The following ZNF341 variants were observed in gnomAD, a reference collection of about 807,000 sequenced individuals.
The protein encoded by ZNF341 is zinc finger protein 341.
A neutral mutation model predicts 87.7 loss-of-function variants in ZNF341; 52 were observed. The ratio of observed to expected loss-of-function variants is 0.59; its 90% CI spans 0.47 to 0.75. The LOEUF is 0.75. Ranked by LOEUF, ZNF341 falls within the 30% of genes least tolerant of loss-of-function variation. ZNF341 has a pLI of 0.00. For missense variants in ZNF341, 977 were observed against 1,145.9 expected (o/e 0.85, Z 2.13); for synonymous variants, 459 against 472.7 (o/e 0.97, Z 0.38).
chr20:33,789,643 A>G, intron 14 of ZNF341, 55 bp downstream of exon 14: 1 of 1,578,082 alleles, frequency 6.3e-7, no homozygotes, highest in Non-Finnish European at 8.7e-7. Flanking sequence ...GTTCACTGGG[A>G]TAGACCCGCC....
chr20:33,761,966 G>A lies in ZNF341; in HGVS notation c.1133G>A (p.Gly378Glu), dbSNP rs1330354656. ...CAGACCCACAAGGTGTGGCCTCCAG[G>A]ACACAGTGGTGGCACCGTGTCTCGA... ...HMQTHKVWPP[G>E]HSGGTVSRNS... is the part of the protein sequence containing the mutation. The change falls in exon 8 of 15, where the codon GGA (glycine) becomes GAA (glutamate). Residue 378 changes from glycine to glutamate, a missense_variant. This residue lies in a region of ZNF341 where 515 missense variants were observed against 598.2 expected (regional missense o/e 0.86). Transcript: ENST00000375200. 6.2e-7 allele frequency: 1 copy of A among 1,608,992 alleles called. No homozygotes were observed. The highest frequency in any genetic ancestry group is 8.5e-7 in the Non-Finnish European group (1 of 1,176,414).
chr20:33,790,547 G>A (rs1211667012), intron 14 of ZNF341, among the ~76,000 whole-genome samples: 2 of 152,186 alleles, frequency 1.3e-5, no homozygotes, highest in Admixed American at 1.3e-4. Context: ...CCTTGTTTGA[G>A]AAGGTTTACA....
Position 33,732,901 on chromosome 20 carries a change from A to T in ZNF341, c.31+849A>T, listed in dbSNP as rs1436714610. Among the ~76,000 whole-genome samples, 1 of 152,164 alleles carries T rather than the reference A, an allele frequency of 6.6e-6. No individual in the cohort carries two copies. Among genetic ancestry groups the T allele is most frequent in the Non-Finnish European group, 1.5e-5 (1 of 68,028 alleles). ...CTCGGGGCCATGGCGCAGAATAGAT[A>T]TTGTGGGAAATACAGACCAAGAATG... On this transcript the variant is annotated intron_variant, in intron 1 of 14. Transcript: ENST00000375200. This position sits in a 1 kb window ranked among gnomAD's most constrained non-coding sequence, Gnocchi z 4.5.
chr20:33,745,089 G>A lies in ZNF341; in HGVS notation c.143-14G>A, dbSNP rs372041153. On this transcript the variant is annotated splice_polypyrimidine_tract_variant and intron_variant, in intron 2 of 14. Transcript: ENST00000375200. ...CTGTGGCCTCTTCCCACTACTCTGC[G>A]GGTATGACCCCAGATGACGAGGATG... 3.4e-5 allele frequency: 55 copies of A among 1,602,972 alleles called. No individual in the cohort carries two copies. The highest frequency in any genetic ancestry group is 2.0e-4 in the African/African-American group (15 of 74,662).
chr20:33,751,878 G>C (rs2019063671), intron 4 of ZNF341, among the ~76,000 whole-genome samples: 1 of 152,088 alleles, frequency 6.6e-6, no homozygotes, highest in African/African-American at 2.4e-5. Context: ...CCAAGGCCAG[G>C]GTTTCTGTTA....
Position 33,761,996 on chromosome 20 carries a change from C to T in ZNF341, c.1163C>T (p.Ser388Phe). ...AGTGGTGGCACCGTGTCTCGAAACT[C>T]TGTGACCGTACAGGTCATGGCCCTG... ...GHSGGTVSRNSVTVQVMALNP... is the reference protein window; with the variant it reads ...GHSGGTVSRNFVTVQVMALNP... Residue 388 changes from serine to phenylalanine, a missense_variant, in exon 8 of 15, where the codon TCT (serine) becomes TTT (phenylalanine). Around this residue, in one of 3 missense-constraint regions of ZNF341, gnomAD observed 515 missense variants for 598.2 expected, o/e 0.86. Coordinates refer to ENST00000375200, the MANE Select transcript of ZNF341 (RefSeq NM_001282933.2). 1 of 1,606,410 alleles carries T rather than the reference C, an allele frequency of 6.2e-7. No homozygotes were observed. Among genetic ancestry groups the T allele is most frequent in the Non-Finnish European group, 8.5e-7 (1 of 1,174,466 alleles).
At position 33,745,108 on chromosome 20, in the gene ZNF341, G is replaced by A. The variant is rs778164498; in HGVS notation, c.148G>A (p.Glu50Lys). 5.0e-6 allele frequency: 8 copies of A among 1,609,230 alleles called. No individual in the cohort carries two copies. Among genetic ancestry groups the A allele is most frequent in the Admixed American group, 1.7e-5 (1 of 59,918 alleles). Residue 50 changes from glutamate to lysine, a missense_variant, in exon 3 of 15, where the codon GAG (glutamate) becomes AAG (lysine). By Grantham distance (56) the Glu-to-Lys change is moderately conservative. Coordinates refer to ENST00000375200, the MANE Select transcript of ZNF341 (RefSeq NM_001282933.2). Reference sequence around the variant, plus strand: ...CTCTGCGGGTATGACCCCAGATGACGAGGATGTATTTCTCTGCGGGAAGTG... The same window carrying A: ...CTCTGCGGGTATGACCCCAGATGACAAGGATGTATTTCTCTGCGGGAAGTG... ...APPAIQPLDDEDVFLCGKCKK... is the reference protein window; with the variant it reads ...APPAIQPLDDKDVFLCGKCKK...
chr20:33,785,821 T>C (rs1161712605), intron 12 of ZNF341, among the ~76,000 whole-genome samples: 3 of 152,174 alleles, frequency 2.0e-5, no homozygotes, highest in African/African-American at 7.2e-5. Context: ...CTATAACTTA[T>C]GTGCCTTTTT....
At chr20:33,770,019 G>A (rs2019492323) in intron 9 of ZNF341, 65 bp from the exon 10 acceptor site, 7 of 1,161,764 alleles carry the variant, frequency 6.0e-6, no homozygotes, top group Middle Eastern at 5.3e-4. Context: ...CAATGCCACA[G>A]GCCAGGGGCT....
chr20:33,769,035 C>T (rs950973915), intron 9 of ZNF341, among the ~76,000 whole-genome samples: 4 of 152,140 alleles, frequency 2.6e-5, no homozygotes, highest in South Asian at 2.1e-4. Context: ...AAATTACATA[C>T]AAATCTGGTT....
At position 33,757,320 on chromosome 20, in the gene ZNF341, A is replaced by C; in HGVS notation, c.914A>C (p.Lys305Thr). 6.4e-7 allele frequency: 1 copy of C among 1,574,782 alleles called. No homozygotes were observed. Among genetic ancestry groups the C allele is most frequent in the Non-Finnish European group, 8.6e-7 (1 of 1,161,304 alleles). Residue 305 changes from lysine to threonine, a missense_variant, in exon 6 of 15, where the codon AAA (lysine) becomes ACA (threonine). Lys to Thr is a moderately conservative substitution (Grantham distance 78, BLOSUM62 -1). Around this residue, in one of 3 missense-constraint regions of ZNF341, gnomAD observed 515 missense variants for 598.2 expected, o/e 0.86. Transcript: ENST00000375200. ...GCAACGCTGAAGACCCGACGAGCTA[A>C]AGGTGCCAGGGGACTCCCGGAAGGT... Reference protein sequence around the residue: ...SPATLKTRRAKGARGLPEAAG... With the variant: ...SPATLKTRRATGARGLPEAAG...
intron 8 of ZNF341, among the ~76,000 whole-genome samples, chr20:33,764,543 G>GTA (rs1171402724): frequency 0.017 from 1,177 of 69,304 alleles, 45 homozygotes; most frequent in African/African-American, 0.024. Context: ...GTGTGTATGT[G>GTA]TATATATATA....
At chr20:33,758,481 T>C (rs1417968880) in intron 6 of ZNF341, among the ~76,000 whole-genome samples, 1 of 152,166 alleles carries the variant, frequency 6.6e-6, no homozygotes, top group Admixed American at 6.6e-5. Flanking sequence ...GATTTGATTG[T>C]AGGGCAGAGG....
At position 33,770,196 on chromosome 20, in the gene ZNF341, G is replaced by T. The variant is rs1251289503; in HGVS notation, c.1526G>T (p.Gly509Val). ...EELSYRCHLC[G>V]KDFPSLYDLG... ...CTGAGCTACCGCTGCCACCTCTGCG[G>T]CAAGGACTTCCCCTCGCTGTACGAC... Residue 509 changes from glycine to valine, a missense_variant, in exon 10 of 15, where the codon GGC (glycine) becomes GTC (valine). Coordinates refer to ENST00000375200, the MANE Select transcript of ZNF341 (RefSeq NM_001282933.2). The T allele has an allele frequency of 5.0e-6, 8 of 1,614,168 alleles. No homozygotes were observed. The highest frequency in any genetic ancestry group is 6.8e-6 in the Non-Finnish European group (8 of 1,180,032).
Position 33,762,000 on chromosome 20 carries a change from G to T in ZNF341, c.1167G>T (p.Val389=). 1 of 1,605,228 alleles carries T rather than the reference G, an allele frequency of 6.2e-7. No homozygotes were observed. The highest frequency in any genetic ancestry group is 1.1e-5 in the South Asian group (1 of 90,196). Residue 389 remains valine (V), a synonymous_variant, in exon 8 of 15, where the codon GTG becomes GTT. Coordinates refer to ENST00000375200, the MANE Select transcript of ZNF341 (RefSeq NM_001282933.2). ...HSGGTVSRNS[V]TVQVMALNPS... ...GTGGCACCGTGTCTCGAAACTCTGT[G>T]ACCGTACAGGTCATGGCCCTGAACC... is the stretch of plus-strand genomic sequence containing the variant.
At position 33,757,340 on chromosome 20, in the gene ZNF341, GA is replaced by G; in HGVS notation, c.936del (p.Ala313LeufsTer77). On this transcript the variant is annotated frameshift_variant and splice_region_variant, in exon 6 of 15. Coordinates refer to ENST00000375200, the MANE Select transcript of ZNF341 (RefSeq NM_001282933.2). LOFTEE classifies it high-confidence loss of function. ...RRAKGARGLP[E>X]AAGKPKAQKL... ...AGCTAAAGGTGCCAGGGGACTCCCG[GA>G]AGGTGGGCCCCCAGCCTGCCATGGG... 1 of 1,495,206 alleles carries G rather than the reference GA, an allele frequency of 6.7e-7. No homozygotes were observed. Among genetic ancestry groups the G allele is most frequent in the Admixed American group, 2.3e-5 (1 of 44,082 alleles). 92.6% of individuals were successfully genotyped at this position (1,495,206 alleles called of 1,614,324 possible). A position where few individuals can be genotyped will look rare whatever the true frequency, so the allele number is the denominator to read the frequency against.
intron 5 of ZNF341, among the ~76,000 whole-genome samples, chr20:33,754,039 G>A (rs2019119461): frequency 6.6e-6 from 1 of 152,184 alleles, no homozygotes. Flanking sequence ...CATGGCCATG[G>A]TGGAGGTGCA....
At chr20:33,778,177 G>A (rs988678020) in intron 10 of ZNF341, among the ~76,000 whole-genome samples, 2 of 152,182 alleles carry the variant, frequency 1.3e-5, no homozygotes, top group African/African-American at 4.8e-5. Flanking sequence ...AGCCCCTGAA[G>A]CATGTGAGAT....
chr20:33,745,126 G>A lies in ZNF341; in HGVS notation c.166G>A (p.Gly56Arg), dbSNP rs1237868422. 1.1e-5 allele frequency: 18 copies of A among 1,612,178 alleles called. No individual in the cohort carries two copies. The highest frequency in any genetic ancestry group is 1.3e-5 in the African/African-American group (1 of 74,842). ...PLDDEDVFLCGKCKKQFNSLP... is the reference protein window; with the variant it reads ...PLDDEDVFLCRKCKKQFNSLP... ...AGATGACGAGGATGTATTTCTCTGC[G>A]GGAAGTGTAAGAAGCAATTCAACTC... The change falls in exon 3 of 15, where the codon GGG becomes AGG. Residue 56 changes from glycine to arginine, a missense_variant. Around this residue, in one of 3 missense-constraint regions of ZNF341, gnomAD observed 515 missense variants for 598.2 expected, o/e 0.86. Transcript: ENST00000375200.
Sources: gnomAD v4.1 joint callset for allele counts (sites outside exome capture counted in the v4.1 genomes callset) on GRCh38, gnomAD v4.1.1 for gene constraint, gnomAD v4.1.1 regional missense constraint, Gnocchi (gnomAD v3.1) non-coding constraint, MANE v1.5 for transcripts, NCBI Gene and HGNC (gene_info 2026-07-23, HGNC 2026-07-21) for gene names.